Variants in CYP4Z1 observed in about 807,000 individuals in gnomAD.
CYP4Z1 encodes the protein cytochrome P450 4Z1.
A neutral mutation model predicts 54.2 loss-of-function variants in CYP4Z1; 41 were observed. The ratio of observed to expected loss-of-function variants is 0.76; its 90% CI spans 0.59 to 0.98. The LOEUF (loss-of-function observed/expected upper bound fraction) is 0.98. CYP4Z1 is among the 50% of genes least tolerant of loss of function. The pLI is 0.00. For synonymous variants in CYP4Z1, 163 were observed against 206.2 expected (o/e 0.79, Z 1.79); for missense variants, 513 against 599.0 (o/e 0.86, Z 1.50).
chr1:47,104,349 G>A (rs1644742159), intron 8 of CYP4Z1, among the ~76,000 whole-genome samples: 1 of 152,176 alleles, frequency 6.6e-6, no homozygotes, highest in African/African-American at 2.4e-5. Context: ...GCTACAGTAG[G>A]CTGAGCATGC....
intron 1 of CYP4Z1, among the ~76,000 whole-genome samples, 172 bp from the exon 2 acceptor site, chr1:47,068,450 C>A (rs977253655): frequency 4.6e-5 from 7 of 152,164 alleles, no homozygotes; most frequent in Non-Finnish European, 8.8e-5. Context: ...CACGAAGATT[C>A]TGTGGAGGTG....
At chr1:47,065,673 C>A (rs1192882342), upstream of CYP4Z1, among the ~76,000 whole-genome samples, 1 of 151,640 alleles carries the variant, frequency 6.6e-6, no homozygotes, top group African/African-American at 2.4e-5. Context: ...AAAGAAATAA[C>A]AAAGATCAGG....
chr1:47,061,072 C>G, the CYP4Z1 span, among the ~76,000 whole-genome samples: 22 of 152,254 alleles, frequency 1.4e-4, no homozygotes, highest in South Asian at 4.4e-3. Context: ...AAGTTCATAG[C>G]ATTAAATGCC....
the CYP4Z1 span, among the ~76,000 whole-genome samples, chr1:47,057,239 A>C: frequency 6.7e-6 from 1 of 149,098 alleles, no homozygotes; most frequent in African/African-American, 2.5e-5. Context: ...AGAATGTTGA[A>C]TATTGGCCCC....
At position 47,084,827 on chromosome 1, in the gene CYP4Z1, C is replaced by T. The variant is rs1416870686; in HGVS notation, c.621C>T (p.Thr207=). 1.3e-6 allele frequency: 2 copies of T among 1,528,500 alleles called. No individual in the cohort carries two copies. Among genetic ancestry groups the T allele is most frequent in the African/African-American group, 2.8e-5 (2 of 71,396 alleles). 94.7% of individuals were successfully genotyped at this position (1,528,500 alleles called of 1,614,324 possible). A position where few individuals can be genotyped will look rare whatever the true frequency, so the allele number is the denominator to read the frequency against. ...SHQGSIQLDS[T]LDSYLKAVFN... ...TGTTCCATCTTCCCTATTCCAGTACCCTGGACTCATACCTGAAAGCAGTGT... is the reference window on the plus strand; with the variant it reads ...TGTTCCATCTTCCCTATTCCAGTACTCTGGACTCATACCTGAAAGCAGTGT... Residue 207 remains threonine, a synonymous_variant, in exon 6 of 12, where the codon ACC becomes ACT. Coordinates refer to ENST00000334194, the MANE Select transcript of CYP4Z1 (RefSeq NM_178134.3).
At chr1:47,115,209 C>T (rs569106802) in intron 9 of CYP4Z1, among the ~76,000 whole-genome samples, 39 of 152,142 alleles carry the variant, frequency 2.6e-4, no homozygotes, top group East Asian at 3.9e-4. Flanking sequence ...AAAAACCAAA[C>T]GCCGCATGTT....
chr1:47,117,579 T>A (rs1471541187), intron 11 of CYP4Z1, among the ~76,000 whole-genome samples, 187 bp from the exon 12 acceptor site: 1 of 152,046 alleles, frequency 6.6e-6, no homozygotes, highest in African/African-American at 2.4e-5. Flanking sequence ...GGTAAAACCC[T>A]GTCTCTACCA....
chr1:47,103,586 CTTTTTTTTCT>C (rs754984615), intron 8 of CYP4Z1, among the ~76,000 whole-genome samples: 13 of 119,846 alleles, frequency 1.1e-4, no homozygotes, highest in East Asian at 3.3e-4. Flanking sequence ...TTTTTTTTTT[CTTTTTTTTCT>C]TTTTTTTTTT....
chr1:47,073,763 T>G (rs1644498634), intron 2 of CYP4Z1, among the ~76,000 whole-genome samples: 1 of 151,468 alleles, frequency 6.6e-6, no homozygotes, highest in Non-Finnish European at 1.5e-5. Context: ...TGGAGATGTC[T>G]ATTCAAGTCC....
Position 47,092,293 on chromosome 1 carries a change from T to A in CYP4Z1, c.773-2273T>A, listed in dbSNP as rs1181431644. Among the ~76,000 whole-genome samples, 2 of 152,024 alleles carry A rather than the reference T, an allele frequency of 1.3e-5. 1 individual carries two copies. Among genetic ancestry groups the A allele is most frequent in the Non-Finnish European group, 2.9e-5 (2 of 68,034 alleles). ...CGTCTCTCTCCTTCTCCTGAGCTTTTTCTCTTCTTTTGGGCCTCCCCCTGG... is the reference window on the plus strand; with the variant it reads ...CGTCTCTCTCCTTCTCCTGAGCTTTATCTCTTCTTTTGGGCCTCCCCCTGG... On this transcript the variant is annotated intron_variant, in intron 6 of 11. Coordinates refer to ENST00000334194, the MANE Select transcript of CYP4Z1 (RefSeq NM_178134.3).
chr1:47,100,470 T>G (rs1644713203), intron 8 of CYP4Z1, among the ~76,000 whole-genome samples: 1 of 152,244 alleles, frequency 6.6e-6, no homozygotes, highest in Admixed American at 6.5e-5. Context: ...CATCTCCCTC[T>G]GTCCCATCCA....
chr1:47,060,679 C>T, the CYP4Z1 span, among the ~76,000 whole-genome samples: 1 of 152,058 alleles, frequency 6.6e-6, no homozygotes, highest in Non-Finnish European at 1.5e-5. Context: ...TATTCAGAAC[C>T]TGAACTCAAC....
chr1:47,089,216 T>C (rs1313071647), intron 6 of CYP4Z1, among the ~76,000 whole-genome samples: 1 of 152,182 alleles, frequency 6.6e-6, no homozygotes, highest in African/African-American at 2.4e-5. Flanking sequence ...ATCTAACATA[T>C]GTAATTACAT....
At chr1:47,094,404 T>A (rs777557258) in intron 6 of CYP4Z1, among the ~76,000 whole-genome samples, 162 bp from the exon 7 acceptor site, 5 of 152,076 alleles carry the variant, frequency 3.3e-5, no homozygotes, top group South Asian at 2.1e-4. Context: ...ACGATTTTTT[T>A]AAAAAGACAG....
chr1:47,078,672 A>G (rs1157144917), intron 2 of CYP4Z1, among the ~76,000 whole-genome samples: 1 of 132,004 alleles, frequency 7.6e-6, no homozygotes, highest in African/African-American at 2.8e-5. Flanking sequence ...AATAAAAGAA[A>G]AAAAGGTAGG....
In CYP4Z1 at chr1:47,099,247, A is replaced by G. The variant is rs780530512; in HGVS notation, c.1030A>G (p.Ile344Val). ...GCATCAGCAGAGATGCCGAGATGAA[A>G]TCAGGGAACTCCTAGGGGATGGGTC... is the stretch of plus-strand genomic sequence containing the variant. ...PEHQQRCRDEIRELLGDGSSI... is the reference protein window; with the variant it reads ...PEHQQRCRDEVRELLGDGSSI... The change falls in exon 8 of 12, where the codon ATC (isoleucine) becomes GTC (valine). Residue 344 changes from isoleucine (I) to valine (V), a missense_variant. Ile to Val is a conservative substitution (Grantham distance 29). Transcript: ENST00000334194. 18 of 1,613,364 alleles carry G rather than the reference A, an allele frequency of 1.1e-5. 1 individual carries two copies. The South Asian group carries it at 2.0e-4, about 18-fold the overall frequency.
At chr1:47,059,127 T>A in the CYP4Z1 span, among the ~76,000 whole-genome samples, 1 of 152,154 alleles carries the variant, frequency 6.6e-6, no homozygotes, top group Non-Finnish European at 1.5e-5. Context: ...AAACATTGCC[T>A]GAGATTCATA....
chr1:47,113,255 C>T (rs565784061), intron 9 of CYP4Z1, among the ~76,000 whole-genome samples: 1 of 152,192 alleles, frequency 6.6e-6, no homozygotes, highest in Non-Finnish European at 1.5e-5. Flanking sequence ...AAATTCCTTT[C>T]TGAACATTCT....
At chr1:47,090,076 CA>C (rs1644628043) in intron 6 of CYP4Z1, among the ~76,000 whole-genome samples, 2 of 152,210 alleles carry the variant, frequency 1.3e-5, no homozygotes, top group African/African-American at 4.8e-5. Flanking sequence ...AACAACCAGT[CA>C]TCTTTTTTAG....
Sources: allele counts gnomAD v4.1 joint callset (sites outside exome capture counted in the v4.1 genomes callset), GRCh38; gene constraint gnomAD v4.1.1; transcripts MANE v1.5; gene names NCBI Gene and HGNC (gene_info 2026-07-23, HGNC 2026-07-21).